The following TENM2 variants were observed in gnomAD, a reference collection of about 807,000 sequenced individuals.
TENM2 encodes teneurin transmembrane protein 2.
In TENM2, 52 loss-of-function variants were observed where a neutral mutation model predicts 245.2. The observed-to-expected ratio is 0.21, with a 90% CI of 0.17 to 0.27. The LOEUF (loss-of-function observed/expected upper bound fraction) is 0.27, where lower values mean the gene tolerates loss of function less well. Ranked by LOEUF, TENM2 falls within the 10% of genes least tolerant of loss-of-function variation. The pLI is 1.00. For synonymous variants in TENM2, 1,363 were observed against 1,438.9 expected (o/e 0.95, Z 1.19); for missense variants, 3,046 against 3,666.8 (o/e 0.83, Z 4.37).
intron 3 of TENM2, among the ~76,000 whole-genome samples, chr5:167,915,158 T>C (rs1308345437): frequency 1.3e-5 from 2 of 152,086 alleles, no homozygotes; most frequent in African/African-American, 4.8e-5. Context: ...GAGAAGATGA[T>C]AGTGTAGAGT....
chr5:167,460,912 C>T (rs1015140315), intron 2 of TENM2, among the ~76,000 whole-genome samples: 3 of 152,128 alleles, frequency 2.0e-5, no homozygotes, highest in African/African-American at 7.2e-5. Context: ...AAATGAACTG[C>T]AGTTGCTGAT....
At chr5:167,963,660 C>T (rs78429876) in intron 4 of TENM2, among the ~76,000 whole-genome samples, 3,203 of 152,298 alleles carry the variant, frequency 0.021, 113 homozygotes, top group African/African-American at 0.072. Flanking sequence ...GAATGCAAAG[C>T]GTGTCTCTTT....
intron 2 of TENM2, among the ~76,000 whole-genome samples, chr5:167,565,018 A>C (rs1773822917): frequency 6.6e-6 from 1 of 152,262 alleles, no homozygotes; most frequent in African/African-American, 2.4e-5. Flanking sequence ...CAGGGGCCTA[A>C]AGTAGAAATC....
intron 2 of TENM2, among the ~76,000 whole-genome samples, chr5:167,862,070 G>A (rs1771865750): frequency 6.6e-6 from 1 of 152,168 alleles, no homozygotes; most frequent in African/African-American, 2.4e-5. Context: ...TAACATTGCT[G>A]ACAGTGGAGG....
At chr5:167,680,917 G>T (rs1179337153) in intron 2 of TENM2, among the ~76,000 whole-genome samples, 1 of 114,794 alleles carries the variant, frequency 8.7e-6, no homozygotes, top group Non-Finnish European at 1.6e-5. Flanking sequence ...GATTGATGCT[G>T]TGTCATAAAC....
At chr5:167,593,251 T>TTA (rs1775993777) in intron 2 of TENM2, among the ~76,000 whole-genome samples, 1 of 152,198 alleles carries the variant, frequency 6.6e-6, no homozygotes, top group African/African-American at 2.4e-5. Context: ...AAAGATGACT[T>TTA]TGAGTTTTAA....
chr5:167,090,832 A>C, the TENM2 span, among the ~76,000 whole-genome samples: 2 of 152,186 alleles, frequency 1.3e-5, no homozygotes, highest in South Asian at 2.1e-4. Flanking sequence ...AAAATACTTA[A>C]AATTGCACTA....
the TENM2 span, among the ~76,000 whole-genome samples, chr5:167,026,072 A>G: frequency 2.6e-5 from 4 of 152,230 alleles, no homozygotes; most frequent in African/African-American, 9.6e-5. Context: ...GATAATATGC[A>G]TCTATTAATA....
chr5:167,745,493 C>T (rs1761494060), intron 2 of TENM2, among the ~76,000 whole-genome samples: 1 of 152,210 alleles, frequency 6.6e-6, no homozygotes. Context: ...TATTCTCACA[C>T]ACTTTTTAAA....
intron 8 of TENM2, among the ~76,000 whole-genome samples, chr5:168,097,603 C>T (rs200362725): frequency 8.7e-5 from 13 of 149,272 alleles, no homozygotes; most frequent in Non-Finnish European, 1.5e-4. Context: ...TGTGTGTGTG[C>T]GTGTGTGTGT....
At chr5:167,454,672 G>C (rs1351011566) in intron 2 of TENM2, among the ~76,000 whole-genome samples, 6 of 152,158 alleles carry the variant, frequency 3.9e-5, no homozygotes, top group African/African-American at 9.6e-5. Flanking sequence ...TCAACCGTTG[G>C]TTCTATTTTC....
chr5:167,386,177 A>T (rs1049948203), intron 2 of TENM2, among the ~76,000 whole-genome samples: 1 of 151,586 alleles, frequency 6.6e-6, no homozygotes, highest in Non-Finnish European at 1.5e-5. Flanking sequence ...CACCGCATCT[A>T]TTATTTTTGG....
At chr5:167,397,396 AC>A (rs1218936611) in intron 2 of TENM2, among the ~76,000 whole-genome samples, 1 of 152,152 alleles carries the variant, frequency 6.6e-6, no homozygotes, top group African/African-American at 2.4e-5. Flanking sequence ...AATCACAAAA[AC>A]ATTCTGAAAA....
chr5:167,579,649 C>CT (rs1188104451), intron 2 of TENM2, among the ~76,000 whole-genome samples: 2 of 152,142 alleles, frequency 1.3e-5, no homozygotes, highest in African/African-American at 2.4e-5. Flanking sequence ...CACAGTAGCT[C>CT]TAATTTTTGT....
chr5:167,513,102 T>C (rs1046118958), intron 2 of TENM2, among the ~76,000 whole-genome samples: 1 of 152,198 alleles, frequency 6.6e-6, no homozygotes, highest in Non-Finnish European at 1.5e-5. Flanking sequence ...AGATAAAATC[T>C]GTAACTCTCA....
At chr5:168,080,119 T>G (rs187892260) in intron 7 of TENM2, among the ~76,000 whole-genome samples, 23 of 152,268 alleles carry the variant, frequency 1.5e-4, no homozygotes, top group Admixed American at 3.3e-4. Context: ...CCTGTTATTG[T>G]TCTATTCAGG....
intron 2 of TENM2, among the ~76,000 whole-genome samples, chr5:167,620,594 C>T (rs1415505173): frequency 8.7e-6 from 1 of 114,308 alleles, no homozygotes; most frequent in African/African-American, 3.3e-5. Context: ...TCAAAATGTG[C>T]TATACAAAAG....
At chr5:168,027,078 G>T (rs1786688720) in intron 5 of TENM2, among the ~76,000 whole-genome samples, 1 of 151,896 alleles carries the variant, frequency 6.6e-6, no homozygotes, top group Admixed American at 6.6e-5. Flanking sequence ...GCGCTTGCAT[G>T]TGCACCTGTC....
At chr5:167,875,871 ATTTCTT>A in intron 2 of TENM2, 109 bp from the exon 5 acceptor site, 2 of 666,118 alleles carry the variant, frequency 3.0e-6, no homozygotes, top group Non-Finnish European at 5.0e-6. Context: ...GGAGCAGTTC[ATTTCTT>A]TTTTTTTTTT....
Sources: allele counts gnomAD v4.1 joint callset (sites outside exome capture counted in the v4.1 genomes callset), GRCh38; gene constraint gnomAD v4.1.1; transcripts MANE v1.5; gene names NCBI Gene and HGNC (gene_info 2026-07-23, HGNC 2026-07-21).